The following LDLRAD4 variants were observed in gnomAD, a reference collection of about 807,000 sequenced individuals.
LDLRAD4 encodes the protein low density lipoprotein receptor class A domain containing 4.
Under a neutral mutation model 17.0 loss-of-function variants are expected in LDLRAD4, and 5 were observed. The observed-to-expected ratio is 0.29, with a 90% CI of 0.15 to 0.62. The LOEUF is 0.62. Among genes scored for constraint, LDLRAD4 ranks in the 20% least tolerant of loss-of-function variants. The pLI is 0.84. For missense variants in LDLRAD4, 340 were observed against 424.7 expected (o/e 0.80, Z 1.75); for synonymous variants, 168 against 171.8 (o/e 0.98, Z 0.17).
Position 13,367,440 on chromosome 18 carries a change from G to T in LDLRAD4, c.-382-19901G>T, listed in dbSNP as rs556401747. ...TTGAACTGCGTGGGGCACTCCATGG[G>T]GCAGAAAAGAGCCTGGCAGGTTTTG... On this transcript the variant is annotated intron_variant, in intron 1 of 5. Transcript: ENST00000359446. This position sits in a 1 kb window ranked among gnomAD's most constrained non-coding sequence, Gnocchi z 4.1. Among the ~76,000 whole-genome samples, 1 of 152,252 alleles carries T rather than the reference G, an allele frequency of 6.6e-6. No homozygotes were observed. The highest frequency in any genetic ancestry group is 1.9e-4 in the East Asian group (1 of 5,174).
At chr18:13,226,833 T>G (rs1478625607) in intron 1 of LDLRAD4, among the ~76,000 whole-genome samples, 1 of 152,204 alleles carries the variant, frequency 6.6e-6, no homozygotes, top group African/African-American at 2.4e-5. Context: ...AATTATAGGA[T>G]ACGATGGGCA....
At chr18:13,412,426 A>C (rs917240443) in intron 2 of LDLRAD4, among the ~76,000 whole-genome samples, 1 of 152,194 alleles carries the variant, frequency 6.6e-6, no homozygotes, top group African/African-American at 2.4e-5. Flanking sequence ...CCTTATAAAG[A>C]AGTATTATCA....
chr18:13,436,101 C>T (rs1023971110), intron 2 of LDLRAD4, among the ~76,000 whole-genome samples: 12 of 152,182 alleles, frequency 7.9e-5, no homozygotes, highest in Non-Finnish European at 1.2e-4. Flanking sequence ...ACAGGCTGGG[C>T]GGCCCTCTAG....
intron 2 of LDLRAD4, among the ~76,000 whole-genome samples, chr18:13,391,970 T>C (rs1183107619): frequency 2.0e-5 from 3 of 152,264 alleles, no homozygotes. Context: ...TTCACCCTTA[T>C]GAATAACGCT....
At chr18:13,452,728 A>T (rs1031575161) in intron 3 of LDLRAD4, among the ~76,000 whole-genome samples, 14 of 152,206 alleles carry the variant, frequency 9.2e-5, no homozygotes, top group African/African-American at 3.1e-4. Context: ...TCTCTCCACA[A>T]TTCCACCAGG....
intron 1 of LDLRAD4, among the ~76,000 whole-genome samples, chr18:13,369,360 G>A (rs922256802): frequency 6.6e-6 from 1 of 152,322 alleles, no homozygotes; most frequent in Non-Finnish European, 1.5e-5. Flanking sequence ...GGTGTCAGGC[G>A]CTCTGTAAGA....
chr18:13,312,326 AT>A (rs1341872330), intron 1 of LDLRAD4, among the ~76,000 whole-genome samples: 1 of 152,230 alleles, frequency 6.6e-6, no homozygotes, highest in Non-Finnish European at 1.5e-5. Flanking sequence ...AAGATATCTC[AT>A]TATGTACATG....
At chr18:13,506,088 C>T (rs1474535058) in intron 3 of LDLRAD4, among the ~76,000 whole-genome samples, 3 of 152,110 alleles carry the variant, frequency 2.0e-5, no homozygotes, top group Non-Finnish European at 4.4e-5. Flanking sequence ...AACTTGTTTC[C>T]TGGCATTGCT....
rs141209744 is a variant in LDLRAD4, at chr18:13,453,530, CA to C, written c.181+15155del. 7.9e-3 allele frequency among the ~76,000 whole-genome samples: 1,173 copies of C among 148,426 alleles called. 14 individuals are homozygous for C. Among genetic ancestry groups the C allele is most frequent in the African/African-American group, 0.028 (1,120 of 40,364 alleles). On this transcript the variant is annotated intron_variant, in intron 3 of 5. Coordinates refer to ENST00000359446, the Ensembl canonical transcript of LDLRAD4. ...TTGATCCCTGGAGTCACTTGTGACG[CA>C]AAAAAAAAGCATTCTGAAATGGTGA...
intron 1 of LDLRAD4, among the ~76,000 whole-genome samples, chr18:13,280,528 A>G (rs760326643): frequency 6.6e-6 from 1 of 152,208 alleles, no homozygotes; most frequent in African/African-American, 2.4e-5. Flanking sequence ...TTTCAGGACT[A>G]CGGAAGTTTG....
At chr18:13,614,457 T>C (rs1187903067) in intron 3 of LDLRAD4, 1 of 152,196 alleles carries the variant, frequency 6.6e-6, no homozygotes, top group East Asian at 1.9e-4. Flanking sequence ...TTCTACTTGT[T>C]GTACTATACA....
chr18:13,486,958 A>C (rs1422584111), intron 3 of LDLRAD4: 2 of 152,162 alleles, frequency 1.3e-5, no homozygotes, highest in African/African-American at 4.8e-5. Flanking sequence ...CACGCACCCC[A>C]ACGCTTGCTG....
intron 3 of LDLRAD4, among the ~76,000 whole-genome samples, chr18:13,510,201 T>C (rs1410258484): frequency 6.6e-6 from 1 of 152,166 alleles, no homozygotes; most frequent in East Asian, 1.9e-4. Flanking sequence ...ACTGAGATGT[T>C]TTTGTATCTG....
chr18:13,354,366 A>G (rs1324133701), intron 1 of LDLRAD4, among the ~76,000 whole-genome samples: 1 of 152,206 alleles, frequency 6.6e-6, no homozygotes, highest in African/African-American at 2.4e-5. Context: ...TTATTTATGA[A>G]AAAGGAATTT....
rs371555571 is a variant in LDLRAD4, at chr18:13,622,827, C to T, written c.336+1556C>T. On this transcript the variant is annotated intron_variant, in intron 4 of 5. Coordinates refer to ENST00000359446, the Ensembl canonical transcript of LDLRAD4. This position sits in a 1 kb window ranked among gnomAD's most constrained non-coding sequence, Gnocchi z 5.3. ...GCCTTAATGTATTACGGGCTGTGAA[C>T]GCCACCCCTGGACTTGGTGGAAACA... Among the ~76,000 whole-genome samples, 6 of 152,174 alleles carry T rather than the reference C, an allele frequency of 3.9e-5. No homozygotes were observed. The East Asian group carries it at 7.7e-4, about 20-fold the overall frequency.
At position 13,621,311 on chromosome 18, in the gene LDLRAD4, T is replaced by C. The variant is rs1249743662; in HGVS notation, c.336+40T>C. On this transcript the variant is annotated intron_variant, in intron 4 of 5. Transcript: ENST00000359446. This position sits in a 1 kb window ranked among gnomAD's most constrained non-coding sequence, Gnocchi z 5.5. ...CGCCCCGGCTCCAGAGTCAGGCAGC[T>C]GCAAGAGGCTTAGGAGCCCATCAGG... 1.3e-6 allele frequency: 2 copies of C among 1,529,650 alleles called. No homozygotes were observed. The highest frequency in any genetic ancestry group is 2.7e-5 in the African/African-American group (2 of 73,394). 94.8% of individuals were successfully genotyped at this position (1,529,650 alleles called of 1,614,324 possible).
intron 1 of LDLRAD4, among the ~76,000 whole-genome samples, chr18:13,230,748 A>C (rs2042030411): frequency 6.6e-6 from 1 of 152,014 alleles, no homozygotes; most frequent in Non-Finnish European, 1.5e-5. Flanking sequence ...TCAAACTCTA[A>C]ATTACTTTTG....
chr18:13,638,756 C>A (rs2042281637), intron 4 of LDLRAD4, among the ~76,000 whole-genome samples: 1 of 152,228 alleles, frequency 6.6e-6, no homozygotes, highest in Admixed American at 6.5e-5. Flanking sequence ...AACCCACTGG[C>A]ATTCCAGGAT....
At chr18:13,288,979 G>T (rs1237818541) in intron 1 of LDLRAD4, among the ~76,000 whole-genome samples, 1 of 152,206 alleles carries the variant, frequency 6.6e-6, no homozygotes, top group East Asian at 1.9e-4. Context: ...GAGAACTTAG[G>T]CACTGTGGAA....
Sources: allele counts gnomAD v4.1 joint callset (sites outside exome capture counted in the v4.1 genomes callset), GRCh38; gene constraint gnomAD v4.1.1; non-coding constraint Gnocchi (gnomAD v3.1); transcripts MANE v1.5; gene names NCBI Gene and HGNC (gene_info 2026-07-23, HGNC 2026-07-21).